The following SRBD1 variants were observed in gnomAD, a reference collection of about 807,000 sequenced individuals.
SRBD1 encodes S1 RNA-binding domain-containing protein 1.
Under a neutral mutation model 115.3 loss-of-function variants are expected in SRBD1, and 88 were observed. The observed-to-expected ratio is 0.76, with a 90% CI of 0.64 to 0.91. SRBD1 has a LOEUF of 0.91. Ranked by LOEUF, SRBD1 falls within the 40% of genes least tolerant of loss-of-function variation. SRBD1 has a pLI of 0.00. For missense variants in SRBD1, 1,385 were observed against 1,177.4 expected (o/e 1.18, Z -2.58); for synonymous variants, 509 against 407.7 (o/e 1.25, Z -2.99).
At chr2:45,455,140 T>C (rs2103755106) in intron 16 of SRBD1, among the ~76,000 whole-genome samples, 1 of 152,006 alleles carries the variant, frequency 6.6e-6, no homozygotes, top group East Asian at 1.9e-4. Context: ...ATGAAGGACA[T>C]GACAAACTCT....
intron 1 of SRBD1, among the ~76,000 whole-genome samples, chr2:45,609,890 AT>A (rs1674391192): frequency 1.3e-5 from 2 of 152,222 alleles, no homozygotes; most frequent in Non-Finnish European, 2.9e-5. Flanking sequence ...AAAGAAGGAA[AT>A]GCATGTGCCT....
intron 14 of SRBD1, among the ~76,000 whole-genome samples, chr2:45,519,156 C>A (rs1416667963): frequency 6.6e-6 from 1 of 152,046 alleles, no homozygotes; most frequent in South Asian, 2.1e-4. Flanking sequence ...AACAAGATAG[C>A]TCCTGAAGGA....
Position 45,454,261 on chromosome 2 carries a change from T to C in SRBD1, c.2049+22732A>G, listed in dbSNP as rs1327838126. Among the ~76,000 whole-genome samples the C allele has an allele frequency of 2.0e-5, 3 of 151,916 alleles. No individual in the cohort carries two copies. The East Asian group carries it at 5.8e-4, about 29-fold the overall frequency. On this transcript the variant is annotated intron_variant, in intron 16 of 20. Coordinates refer to ENST00000263736, the MANE Select transcript of SRBD1 (RefSeq NM_018079.5). ...TGTGTAAGATCGTGGTACTGTGAGA[T>C]AATGACTGGGAGCATGATTCACTTT...
intron 4 of SRBD1, among the ~76,000 whole-genome samples, chr2:45,594,575 G>A (rs1040110817): frequency 5.3e-5 from 8 of 152,206 alleles, no homozygotes; most frequent in Non-Finnish European, 1.2e-4. Flanking sequence ...GGCTGAAAAG[G>A]AGTAGGTTGC....
At chr2:45,479,924 C>T (rs1296079866) in intron 15 of SRBD1, among the ~76,000 whole-genome samples, 1 of 152,168 alleles carries the variant, frequency 6.6e-6, no homozygotes, top group Non-Finnish European at 1.5e-5. Context: ...GAAGTCAAGG[C>T]TCATTTGCCA....
At chr2:45,477,119 A>C (rs1269717749) in intron 15 of SRBD1, 44 bp from the exon 16 acceptor site, 2 of 1,494,938 alleles carry the variant, frequency 1.3e-6, no homozygotes, top group Admixed American at 1.7e-5. Context: ...TAATGTGAAA[A>C]GCAGTACCTA....
intron 9 of SRBD1, among the ~76,000 whole-genome samples, chr2:45,567,745 G>C (rs905162608): frequency 2.0e-5 from 3 of 152,134 alleles, no homozygotes; most frequent in Non-Finnish European, 4.4e-5. Context: ...ATTTGCTATA[G>C]GCTGTGCCAG....
At chr2:45,432,272 G>C (rs756662148) in intron 16 of SRBD1, among the ~76,000 whole-genome samples, 2 of 151,876 alleles carry the variant, frequency 1.3e-5, no homozygotes, top group Non-Finnish European at 2.9e-5. Context: ...CAGGTGATCC[G>C]CCCACCTCAG....
At chr2:45,476,595 C>G (rs1167077222) in intron 16 of SRBD1, among the ~76,000 whole-genome samples, 2 of 152,194 alleles carry the variant, frequency 1.3e-5, no homozygotes, top group Non-Finnish European at 2.9e-5. Flanking sequence ...CCTACCACTT[C>G]TCTAATCACA....
intron 4 of SRBD1, among the ~76,000 whole-genome samples, chr2:45,593,022 GC>G (rs1393575796): frequency 2.0e-5 from 3 of 152,178 alleles, no homozygotes; most frequent in African/African-American, 7.2e-5. Flanking sequence ...TCACTTATAA[GC>G]GATTCACATT....
At chr2:45,452,457 T>C (rs1390334305) in intron 16 of SRBD1, among the ~76,000 whole-genome samples, 1 of 151,998 alleles carries the variant, frequency 6.6e-6, no homozygotes, top group Non-Finnish European at 1.5e-5. Context: ...TGCAGAGATA[T>C]AATCAATCTC....
chr2:45,401,243 T>A (rs1486082436), intron 19 of SRBD1, among the ~76,000 whole-genome samples: 1 of 152,144 alleles, frequency 6.6e-6, no homozygotes, highest in African/African-American at 2.4e-5. Context: ...CCCAGGAGTT[T>A]GAGTACAGCC....
intron 7 of SRBD1, 107 bp from the exon 8 acceptor site, chr2:45,574,830 A>C (rs958616131): frequency 1.1e-6 from 1 of 939,744 alleles, no homozygotes; most frequent in Non-Finnish European, 1.6e-6. Flanking sequence ...TAAAACCTTA[A>C]GTTGACAGTC....
chr2:45,588,798 T>C lies in SRBD1; in HGVS notation c.649-3024A>G, dbSNP rs550870491. On this transcript the variant is annotated intron_variant, in intron 4 of 20. Coordinates refer to ENST00000263736, the MANE Select transcript of SRBD1 (RefSeq NM_018079.5). ...AAATTCAAAGTTGTAGCCATTTTATTGTTATGAGGATGGTGGTGCTAAGAG... is the reference window on the plus strand; with the variant it reads ...AAATTCAAAGTTGTAGCCATTTTATCGTTATGAGGATGGTGGTGCTAAGAG... 9.8e-5 allele frequency among the ~76,000 whole-genome samples: 15 copies of C among 152,350 alleles called. 1 individual carries two copies. In the South Asian group the frequency reaches 1.2e-3, roughly 13 times the overall value.
intron 15 of SRBD1, among the ~76,000 whole-genome samples, chr2:45,482,420 C>A (rs1159852743): frequency 6.6e-6 from 1 of 152,038 alleles, no homozygotes; most frequent in Non-Finnish European, 1.5e-5. Context: ...ATTGATGCTT[C>A]TACCATATGC....
In SRBD1 at chr2:45,601,937, T is replaced by C. The variant is rs779089361; in HGVS notation, c.227A>G (p.Asp76Gly). ...RVKKNAPQIS[D>G]GSEVVVVKEE... The stretch of plus-strand genomic sequence containing the variant: ...CTTAACAACAACGACTTCTGAGCCA[T>C]CACTGATCTGTGGGGCATTCTTCTT... The change falls in exon 3 of 21, where the codon GAT becomes GGT. Residue 76 changes from aspartate (D) to glycine (G), a missense_variant. Transcript: ENST00000263736. The C allele has an allele frequency of 6.2e-7, 1 of 1,614,210 alleles. No homozygotes were observed. The highest frequency in any genetic ancestry group is 1.3e-5 in the African/African-American group (1 of 75,056).
intron 4 of SRBD1, among the ~76,000 whole-genome samples, chr2:45,597,193 G>A (rs531705198): frequency 2.4e-4 from 36 of 152,200 alleles, no homozygotes; most frequent in Middle Eastern, 3.4e-3. Context: ...GAAAGAGGTG[G>A]GCGGATCACC....
intron 4 of SRBD1, among the ~76,000 whole-genome samples, chr2:45,591,875 C>T (rs1439849734): frequency 6.6e-6 from 1 of 152,170 alleles, no homozygotes; most frequent in African/African-American, 2.4e-5. Context: ...CCCGGACATG[C>T]ACACTGAGAG....
chr2:45,454,734 C>G (rs1669101525), intron 16 of SRBD1, among the ~76,000 whole-genome samples: 1 of 151,850 alleles, frequency 6.6e-6, no homozygotes, highest in Non-Finnish European at 1.5e-5. Context: ...TTGTCTACTT[C>G]TCACAAACAG....
Sources: allele counts gnomAD v4.1 joint callset (sites outside exome capture counted in the v4.1 genomes callset), GRCh38; gene constraint gnomAD v4.1.1; transcripts MANE v1.5; gene names NCBI Gene and HGNC (gene_info 2026-07-23, HGNC 2026-07-21).